MSRA: variants seen among roughly 807,000 people sequenced by gnomAD.
MSRA encodes the protein methionine sulfoxide reductase A.
MSRA carries 54 observed loss-of-function variants against 31.3 expected under a neutral mutation model. That is an observed-to-expected ratio of 1.73 (90% confidence interval 1.39 to 2.17). The LOEUF (loss-of-function observed/expected upper bound fraction) is 2.17. Among genes scored for constraint, MSRA ranks in the 30% most tolerant of loss-of-function variants. MSRA has a pLI of 0.00. For synonymous variants in MSRA, 169 were observed against 116.5 expected (o/e 1.45, Z -2.90); for missense variants, 507 against 300.9 (o/e 1.69, Z -5.07).
At chr8:10,415,916 A>G (rs6601455) in intron 5 of MSRA, among the ~76,000 whole-genome samples, 46,354 of 151,592 alleles carry the variant, frequency 0.31, 7,192 homozygotes, top group Non-Finnish European at 0.33. Flanking sequence ...CCCTCAAAGG[A>G]CTGTTTGCAC....
At chr8:10,169,119 C>T (rs1299125650) in intron 1 of MSRA, among the ~76,000 whole-genome samples, 2 of 152,206 alleles carry the variant, frequency 1.3e-5, no homozygotes, top group East Asian at 1.9e-4. Flanking sequence ...GTTATGAAAA[C>T]CTTCTAGGAC....
chr8:10,055,371 G>T (rs959344217), intron 1 of MSRA, among the ~76,000 whole-genome samples: 2 of 152,220 alleles, frequency 1.3e-5, no homozygotes, highest in African/African-American at 4.8e-5. Flanking sequence ...CCATGTAATG[G>T]TAAACTGCTA....
intron 3 of MSRA, among the ~76,000 whole-genome samples, chr8:10,253,265 T>C (rs1327230797): frequency 6.6e-6 from 1 of 152,188 alleles, no homozygotes; most frequent in Non-Finnish European, 1.5e-5. Flanking sequence ...GTGAATTGGA[T>C]GGTTTATGGA....
chr8:10,379,820 A>G (rs1340628535), intron 5 of MSRA, among the ~76,000 whole-genome samples: 1 of 152,218 alleles, frequency 6.6e-6, no homozygotes, highest in East Asian at 1.9e-4. Context: ...GTGCTCCATC[A>G]GTGGGTCCAT....
chr8:10,239,702 A>G (rs373115672), intron 2 of MSRA, among the ~76,000 whole-genome samples: 1 of 152,174 alleles, frequency 6.6e-6, no homozygotes, highest in African/African-American at 2.4e-5. Context: ...TGTTTTGGGG[A>G]CTAGGACCTC....
chr8:10,150,591 GAAAC>G (rs1204641996), intron 1 of MSRA, among the ~76,000 whole-genome samples: 1 of 152,024 alleles, frequency 6.6e-6, no homozygotes, highest in African/African-American at 2.4e-5. Context: ...CAAATCTACA[GAAAC>G]AAACAACAAA....
At chr8:10,340,945 A>G (rs557465252) in intron 5 of MSRA, among the ~76,000 whole-genome samples, 2 of 152,322 alleles carry the variant, frequency 1.3e-5, no homozygotes, top group South Asian at 2.1e-4. Context: ...CTGATAAGAA[A>G]GACAACAAAT....
chr8:10,204,118 T>G (rs771906418), intron 1 of MSRA, among the ~76,000 whole-genome samples: 2 of 152,012 alleles, frequency 1.3e-5, no homozygotes, highest in Non-Finnish European at 2.9e-5. Flanking sequence ...AATATAAAAA[T>G]ATTTTCATAT....
At chr8:10,219,311 C>G (rs572694449) in intron 2 of MSRA, among the ~76,000 whole-genome samples, 4 of 152,242 alleles carry the variant, frequency 2.6e-5, no homozygotes, top group Admixed American at 6.5e-5. Context: ...TTCCATACTT[C>G]CAGTTCTCAC....
At chr8:10,417,419 G>GACACACACACACAC (rs1184991397) in intron 5 of MSRA, among the ~76,000 whole-genome samples, 4,872 of 145,406 alleles carry the variant, frequency 0.034, 145 homozygotes, top group East Asian at 0.13. Context: ...TTCGTCAGAA[G>GACACACACACACAC]ACACACACAC....
chr8:10,260,951 T>C (rs1311722546), intron 3 of MSRA, among the ~76,000 whole-genome samples: 1 of 152,210 alleles, frequency 6.6e-6, no homozygotes, highest in Non-Finnish European at 1.5e-5. Context: ...GAATCTTTAG[T>C]CTAAGCACAA....
chr8:10,293,319 A>C (rs1294954894), intron 3 of MSRA, among the ~76,000 whole-genome samples: 1 of 152,122 alleles, frequency 6.6e-6, no homozygotes, highest in Non-Finnish European at 1.5e-5. Context: ...CTTTGCAACA[A>C]CAAAGATGAG....
At chr8:10,057,358 C>A (rs892813345) in intron 1 of MSRA, among the ~76,000 whole-genome samples, 1 of 152,112 alleles carries the variant, frequency 6.6e-6, no homozygotes, top group Non-Finnish European at 1.5e-5. Flanking sequence ...GAATGAGGGA[C>A]AAGGGGAATT....
At chr8:10,417,574 G>A (rs1038802561) in intron 5 of MSRA, among the ~76,000 whole-genome samples, 6 of 152,150 alleles carry the variant, frequency 3.9e-5, no homozygotes, top group African/African-American at 1.4e-4. Context: ...AGAGATGCAG[G>A]AGCCTCTGCC....
intron 2 of MSRA, among the ~76,000 whole-genome samples, chr8:10,211,823 G>T (rs1045204731): frequency 6.6e-6 from 1 of 152,138 alleles, no homozygotes; most frequent in African/African-American, 2.4e-5. Flanking sequence ...CTCTGTCCAC[G>T]TGGAGGGCCG....
intron 1 of MSRA, among the ~76,000 whole-genome samples, chr8:10,126,218 A>G (rs561807725): frequency 2.0e-4 from 30 of 152,342 alleles, no homozygotes; most frequent in African/African-American, 7.0e-4. Flanking sequence ...AAGCCAGACA[A>G]CGTGAAAGAA....
intron 1 of MSRA, among the ~76,000 whole-genome samples, chr8:10,106,443 T>A (rs891762961): frequency 6.6e-6 from 1 of 152,214 alleles, no homozygotes; most frequent in Non-Finnish European, 1.5e-5. Context: ...CTCTACTGTT[T>A]AAAAGTTTTA....
chr8:10,226,867 G>C (rs1811045831), intron 2 of MSRA, among the ~76,000 whole-genome samples: 1 of 152,184 alleles, frequency 6.6e-6, no homozygotes, highest in Non-Finnish European at 1.5e-5. Flanking sequence ...CTCAGGAGGA[G>C]TTTGATTCTT....
chr8:10,107,087 G>T (rs1261431447), intron 1 of MSRA, among the ~76,000 whole-genome samples: 2 of 152,326 alleles, frequency 1.3e-5, no homozygotes, highest in East Asian at 3.9e-4. Flanking sequence ...TCACCCAGCT[G>T]ATGATACAGT....
Sources: gnomAD v4.1 joint callset for allele counts (sites outside exome capture counted in the v4.1 genomes callset) on GRCh38, gnomAD v4.1.1 for gene constraint, MANE v1.5 for transcripts, NCBI Gene and HGNC (gene_info 2026-07-23, HGNC 2026-07-21) for gene names.